Variants in BRPF3 observed in about 807,000 individuals in gnomAD.
BRPF3 encodes bromodomain and PHD finger-containing protein 3.
Under a neutral mutation model 102.0 loss-of-function variants are expected in BRPF3, and 18 were observed. The observed-to-expected ratio is 0.18, with a 90% confidence interval of 0.12 to 0.26. BRPF3 has a LOEUF of 0.26. Ranked by LOEUF, BRPF3 falls within the 10% of genes least tolerant of loss-of-function variation. The pLI is 1.00. For synonymous variants in BRPF3, 570 were observed against 614.2 expected, an observed-to-expected ratio of 0.93 and a Z score of 1.06; for missense variants, 1,147 against 1,567.8, an observed-to-expected ratio of 0.73 and a Z score of 4.53.
chr6:36,207,525 A>C (rs962728464), intron 4 of BRPF3, 81 bp downstream of exon 4: 20 of 1,531,306 alleles, frequency 1.3e-5, no homozygotes, highest in Admixed American at 2.1e-5. Context: ...GAAATCTGGG[A>C]GCCCCTGCCT....
At chr6:36,216,464 C>T (rs915595366) in intron 8 of BRPF3, among the ~76,000 whole-genome samples, 1 of 152,222 alleles carries the variant, frequency 6.6e-6, no homozygotes, top group African/African-American at 2.4e-5. Flanking sequence ...TTCTATACAA[C>T]CTTAGTTGAA....
At chr6:36,213,753 AC>A in intron 7 of BRPF3, 126 bp from the exon 8 acceptor site, 1 of 952,626 alleles carries the variant, frequency 1.0e-6, no homozygotes, top group Non-Finnish European at 1.6e-6. Flanking sequence ...CAGATCTAAG[AC>A]CTTGAATGCA....
At chr6:36,209,718 T>C in intron 4 of BRPF3, 69 bp from the exon 5 acceptor site, 1 of 1,550,574 alleles carries the variant, frequency 6.4e-7, no homozygotes, top group South Asian at 1.2e-5. Context: ...AGTCAAACTA[T>C]CAAGAAAAAG....
chr6:36,219,815 C>T (rs1193931072), intron 9 of BRPF3, among the ~76,000 whole-genome samples: 1 of 152,150 alleles, frequency 6.6e-6, no homozygotes, highest in East Asian at 1.9e-4. Flanking sequence ...CATATAATCC[C>T]AGAATTAGAA....
intron 7 of BRPF3, among the ~76,000 whole-genome samples, chr6:36,212,373 T>G (rs1466691077): frequency 6.6e-6 from 1 of 151,968 alleles, no homozygotes; most frequent in Non-Finnish European, 1.5e-5. Context: ...GGGCCCAAAT[T>G]GTAGGTAACA....
intron 4 of BRPF3, among the ~76,000 whole-genome samples, chr6:36,208,751 C>T (rs1046997033): frequency 2.6e-5 from 4 of 152,258 alleles, no homozygotes; most frequent in African/African-American, 9.6e-5. Context: ...AGGCCTGGTC[C>T]TGGGGAAGTA....
intron 1 of BRPF3, among the ~76,000 whole-genome samples, chr6:36,199,624 T>TG (rs947233315): frequency 2.6e-4 from 40 of 152,226 alleles, no homozygotes; most frequent in African/African-American, 9.6e-4. Context: ...GTACAGAGCT[T>TG]GACAGTGGAT....
chr6:36,204,419 T>C (rs1421280350), intron 2 of BRPF3: 1 of 531,450 alleles, frequency 1.9e-6, no homozygotes, highest in Non-Finnish European at 3.4e-6. Flanking sequence ...GATGGTTCTT[T>C]TGGAGGATTA....
chr6:36,202,419 C>T (rs867215134), intron 2 of BRPF3, among the ~76,000 whole-genome samples: 32 of 142,578 alleles, frequency 2.2e-4, no homozygotes, highest in Non-Finnish European at 4.2e-4. Context: ...GACCCCCCCC[C>T]CCTCCGCCCC....
chr6:36,215,927 T>C (rs917913284), intron 8 of BRPF3, among the ~76,000 whole-genome samples: 1 of 152,202 alleles, frequency 6.6e-6, no homozygotes, highest in African/African-American at 2.4e-5. Context: ...TTTTATGTGG[T>C]GACTTTGGAC....
chr6:36,213,812 T>C (rs1768218700), intron 7 of BRPF3, 68 bp from the exon 8 acceptor site: 1 of 1,486,052 alleles, frequency 6.7e-7, no homozygotes, highest in African/African-American at 1.4e-5. Context: ...GTTGTCAGTG[T>C]CAGTATCTAG....
At chr6:36,228,681 G>A (rs1165818243) in intron 11 of BRPF3, among the ~76,000 whole-genome samples, 2 of 152,154 alleles carry the variant, frequency 1.3e-5, no homozygotes, top group Non-Finnish European at 2.9e-5. Context: ...GAATTGCAAA[G>A]GTACTAAGGG....
At position 36,228,915 on chromosome 6, in the gene BRPF3, A is replaced by G; in HGVS notation, c.3293A>G (p.Lys1098Arg). 6.2e-7 allele frequency: 1 copy of G among 1,614,060 alleles called. No homozygotes were observed. Among genetic ancestry groups the G allele is most frequent in the East Asian group, 2.2e-5 (1 of 44,874 alleles). The change falls in exon 12 of 13, where the codon AAG (lysine) becomes AGG (arginine). Residue 1098 changes from lysine (K) to arginine (R), a missense_variant. Physicochemically the swap from Lys to Arg is conservative, Grantham distance 26. Transcript: ENST00000357641. Reference sequence around the variant, plus strand: ...TTCTGCCTCCAGATCATCGATCCCAAGATGCCCCGGGAGGGCCTCCTGCAC... The same window carrying G: ...TTCTGCCTCCAGATCATCGATCCCAGGATGCCCCGGGAGGGCCTCCTGCAC... ...PSYPALIIDPKMPREGLLHNG... is the reference protein window; with the variant it reads ...PSYPALIIDPRMPREGLLHNG...
intron 11 of BRPF3, 72 bp from the exon 12 acceptor site, chr6:36,228,830 T>C: frequency 1.3e-6 from 2 of 1,560,870 alleles, no homozygotes; most frequent in Non-Finnish European, 1.8e-6. Context: ...GCTTCAGCAG[T>C]TGGTCCTGCA....
chr6:36,217,174 T>C (rs948235587), intron 8 of BRPF3, among the ~76,000 whole-genome samples: 1 of 152,142 alleles, frequency 6.6e-6, no homozygotes, highest in Non-Finnish European at 1.5e-5. Flanking sequence ...TCATACATAC[T>C]GAATAGTAAG....
intron 7 of BRPF3, 103 bp from the exon 8 acceptor site, chr6:36,213,777 T>C (rs1768218253): frequency 8.2e-7 from 1 of 1,226,042 alleles, no homozygotes; most frequent in Non-Finnish European, 1.1e-6. Context: ...TCAAGCCTTA[T>C]AACAGCCAAT....
chr6:36,199,243 G>A (rs1260700491), intron 1 of BRPF3, among the ~76,000 whole-genome samples: 2 of 152,150 alleles, frequency 1.3e-5, no homozygotes, highest in Admixed American at 6.5e-5. Flanking sequence ...TCATAGGAGC[G>A]CGAACCCTAC....
chr6:36,222,411 A>ACTCT (rs1768582133), intron 10 of BRPF3, 146 bp downstream of exon 10: 1 of 616,130 alleles, frequency 1.6e-6, no homozygotes, highest in African/African-American at 2.0e-5. Flanking sequence ...GGGAGATGGC[A>ACTCT]CTCTCCCAGG....
chr6:36,214,198 C>T lies in BRPF3; in HGVS notation c.2801C>T (p.Ala934Val), dbSNP rs754459199. 1 of 1,614,136 alleles carries T rather than the reference C, an allele frequency of 6.2e-7. No individual in the cohort carries two copies. Among genetic ancestry groups the T allele is most frequent in the Non-Finnish European group, 8.5e-7 (1 of 1,179,982 alleles). ...GRRTSVLFKK[A>V]KNGVKLQRSP... ...CGCACATCAGTCCTCTTCAAGAAGG[C>T]CAAGAATGGGGTTAAGCTACAGAGA... The change falls in exon 8 of 13, where the codon GCC (alanine) becomes GTC (valine). Residue 934 changes from alanine (A) to valine (V), a missense_variant. This residue lies in a region of BRPF3 where 379 missense variants were observed against 426.3 expected (regional missense o/e 0.89). Coordinates refer to ENST00000357641, the MANE Select transcript of BRPF3 (RefSeq NM_015695.3).
Sources: gnomAD v4.1 joint callset for allele counts (sites outside exome capture counted in the v4.1 genomes callset) on GRCh38, gnomAD v4.1.1 for gene constraint, gnomAD v4.1.1 regional missense constraint, MANE v1.5 for transcripts, NCBI Gene and HGNC (gene_info 2026-07-23, HGNC 2026-07-21) for gene names.